The following HAUS7 variants were observed in gnomAD, a reference collection of about 807,000 sequenced individuals.
The protein encoded by HAUS7 is HAUS augmin like complex subunit 7.
In HAUS7, 3 loss-of-function variants were observed where a neutral mutation model predicts 28.4. The ratio of observed to expected loss-of-function variants is 0.11; its 90% CI spans 0.05 to 0.27. The LOEUF (loss-of-function observed/expected upper bound fraction) is 0.27. Ranked by LOEUF, HAUS7 falls within the 10% of genes least tolerant of loss-of-function variation. The probability of loss-of-function intolerance (pLI) is 1.00; values close to 1 mark genes in which losing one functional copy is unlikely to be tolerated. For missense variants in HAUS7, 284 were observed against 297.3 expected (o/e 0.96, Z 0.33); for synonymous variants, 165 against 132.1 (o/e 1.25, Z -1.71).
intron 1 of HAUS7, chrX:153,480,526 A>T: frequency 4.1e-6 from 3 of 726,587 alleles, no homozygotes; most frequent in Non-Finnish European, 4.9e-6. Flanking sequence ...AGCAGCTGAC[A>T]GCCCCTTGGG....
chrX:153,483,280 C>A, intron 1 of HAUS7: 1 of 753,498 alleles, frequency 1.3e-6, no homozygotes, highest in Non-Finnish European at 1.6e-6. Flanking sequence ...GGGCCCCTCA[C>A]CCCAACCCCT....
At chrX:153,467,861 G>C (rs1172354282) in intron 2 of HAUS7, among the ~76,000 whole-genome samples, 1 of 112,731 alleles carries the variant, frequency 8.9e-6, no homozygotes, top group Non-Finnish European at 1.9e-5. Context: ...CAAAGGCTGT[G>C]GGCATCCAGA....
intron 1 of HAUS7, among the ~76,000 whole-genome samples, chrX:153,494,752 T>C: frequency 8.7e-5 from 1 of 11,473 alleles, no homozygotes; most frequent in South Asian, 7.0e-3. Flanking sequence ...GGGGGGGAGG[T>C]GGTGGGGGCG....
chrX:153,468,038 C>T (rs181518144), intron 2 of HAUS7, among the ~76,000 whole-genome samples: 1 of 112,384 alleles, frequency 8.9e-6, no homozygotes, highest in Non-Finnish European at 1.9e-5. Flanking sequence ...GGTTATGAAG[C>T]GAGGAGCTGC....
intron 9 of HAUS7, among the ~76,000 whole-genome samples, chrX:153,450,230 G>A (rs1378211839): frequency 8.9e-6 from 1 of 112,535 alleles, no homozygotes; most frequent in Non-Finnish European, 1.9e-5. Context: ...GGTTTCACCC[G>A]GGCTGCCGCC....
intron 4 of HAUS7, among the ~76,000 whole-genome samples, chrX:153,459,442 T>C (rs1556982933): frequency 1.8e-5 from 2 of 112,088 alleles, no homozygotes; most frequent in African/African-American, 6.5e-5. Flanking sequence ...CGCTTATGTT[T>C]TTAGTGTCAA....
rs1556982240 is a variant in HAUS7 at position 153,456,523 on chromosome X, A to G, written c.575T>C (p.Leu192Pro). 8.5e-7 allele frequency: 1 copy of G among 1,178,648 alleles called. No individual in the cohort carries two copies. Among genetic ancestry groups the G allele is most frequent in the East Asian group, 3.1e-5 (1 of 32,034 alleles). Residue 192 changes from leucine (L) to proline (P), a missense_variant, in exon 6 of 10, where the codon CTC becomes CCC. Physicochemically the swap from Leu to Pro is moderately conservative, Grantham distance 98 (BLOSUM62 -3). Transcript: ENST00000370211. ...CCAGTCATCACTCTGCTTGTTGAGGAGGGGCTGCATGTCCAGGGGCCACGG... is the reference window on the plus strand; with the variant it reads ...CCAGTCATCACTCTGCTTGTTGAGGGGGGGCTGCATGTCCAGGGGCCACGG... ...CDPWPLDMQP[L>P]LNKQSDDWQW...
intron 1 of HAUS7, chrX:153,481,640 A>T (rs1461603043): frequency 1.3e-6 from 1 of 753,600 alleles, no homozygotes; most frequent in Non-Finnish European, 1.6e-6. Flanking sequence ...ACCACACTCT[A>T]CCTGGCAGGT....
chrX:153,455,812 G>A, intron 7 of HAUS7, 46 bp from the exon 8 acceptor site: 1 of 816,023 alleles, frequency 1.2e-6, no homozygotes, highest in African/African-American at 2.0e-5. Context: ...CTGCCCACCA[G>A]CCAGGCTGCC....
intron 1 of HAUS7, chrX:153,486,650 T>C (rs782765194): frequency 3.1e-6 from 3 of 982,941 alleles, no homozygotes; most frequent in South Asian, 4.0e-5. Context: ...TTGAATTCCA[T>C]CTGTGACATG....
At chrX:153,463,168 T>C in intron 3 of HAUS7, 1 of 322,114 alleles carries the variant, frequency 3.1e-6, no homozygotes, top group Middle Eastern at 4.9e-4. Context: ...CTGCAGACTA[T>C]CCAGCCACAT....
chrX:153,487,718 C>T, intron 1 of HAUS7, among the ~76,000 whole-genome samples: 1 of 112,783 alleles, frequency 8.9e-6, no homozygotes, highest in East Asian at 2.8e-4. Flanking sequence ...GCAAGGACCA[C>T]CCCTGGCCAG....
intron 9 of HAUS7, among the ~76,000 whole-genome samples, chrX:153,450,768 C>T (rs1193545518): frequency 8.9e-6 from 1 of 112,206 alleles, no homozygotes; most frequent in Non-Finnish European, 1.9e-5. Context: ...TAGGTGGTGC[C>T]GCACCTCCAA....
intron 2 of HAUS7, among the ~76,000 whole-genome samples, chrX:153,465,895 C>G (rs1556984207): frequency 8.9e-6 from 1 of 112,515 alleles, no homozygotes; most frequent in Non-Finnish European, 1.9e-5. Flanking sequence ...GCCACAGGCT[C>G]TTACCCGGGA....
chrX:153,454,393 C>T lies in HAUS7; in HGVS notation c.1045+1G>A. On this transcript the variant is annotated splice_donor_variant, in intron 9 of 9. Transcript: ENST00000370211. LOFTEE classifies it high-confidence loss of function. ...AGAGGGCCAGGTGGGCAGCCACGTA[C>T]CTAGACTCATGACGGAGCTGCTGCC... 8.8e-7 allele frequency: 1 copy of T among 1,132,921 alleles called. No homozygotes were observed. 93.4% of individuals were successfully genotyped at this position (1,132,921 alleles called of 1,213,427 possible). A position where few individuals can be genotyped will look rare whatever the true frequency, so the allele number is the denominator to read the frequency against.
chrX:153,470,525 G>GCCA lies in HAUS7; in HGVS notation c.30_32dup (p.Gly12dup). On this transcript the variant is annotated inframe_insertion, in exon 1 of 10. Coordinates refer to ENST00000370211, the MANE Select transcript of HAUS7 (RefSeq NM_001385482.1). ...CCTCGTCCTCTGAGTAGTCGTCGCCGCCACGGCCGCAGCCAGCGTCCTGCC... is the reference window on the plus strand; with the variant it reads ...CCTCGTCCTCTGAGTAGTCGTCGCCGCCACCACGGCCGCAGCCAGCGTCCTGCC... 8.4e-7 allele frequency: 1 copy of GCCA among 1,197,491 alleles called. No individual in the cohort carries two copies. The highest frequency in any genetic ancestry group is 1.8e-5 in the South Asian group (1 of 54,992).
At chrX:153,470,682 C>T, upstream of HAUS7, 3 of 1,010,184 alleles carry the variant, frequency 3.0e-6, no homozygotes, top group Non-Finnish European at 4.0e-6. Context: ...CCGACCCTTC[C>T]CATTGGGCGA....
chrX:153,468,929 C>G (rs1215100999), intron 2 of HAUS7, among the ~76,000 whole-genome samples: 2 of 113,164 alleles, frequency 1.8e-5, no homozygotes, highest in Non-Finnish European at 3.7e-5. Flanking sequence ...GCTGGACTAG[C>G]CCAGCACCGC....
chrX:153,459,031 T>G (rs782215221), intron 4 of HAUS7, among the ~76,000 whole-genome samples: 12 of 112,372 alleles, frequency 1.1e-4, no homozygotes, highest in Non-Finnish European at 1.9e-4. Flanking sequence ...GTGCTGGGAT[T>G]ACAGGCATGA....
Sources: allele counts gnomAD v4.1 joint callset (sites outside exome capture counted in the v4.1 genomes callset), GRCh38; gene constraint gnomAD v4.1.1; transcripts MANE v1.5; gene names NCBI Gene and HGNC (gene_info 2026-07-23, HGNC 2026-07-21).